Variants in POT1 observed in about 807,000 individuals in gnomAD.
POT1 encodes the protein protection of telomeres 1.
Under a neutral mutation model 78.5 loss-of-function variants are expected in POT1, and 47 were observed. That is an observed-to-expected ratio of 0.60 (90% CI 0.47 to 0.76). The LOEUF is 0.76. Ranked by LOEUF, POT1 falls within the 30% of genes least tolerant of loss-of-function variation. The probability of loss-of-function intolerance (pLI) is 0.00; values close to 1 mark genes in which losing one functional copy is unlikely to be tolerated. For synonymous variants in POT1, 259 were observed against 260.7 expected (o/e 0.99, Z 0.06); for missense variants, 646 against 749.9 (o/e 0.86, Z 1.62).
At chr7:124,867,868 G>A (rs1795769874) in intron 7 of POT1, among the ~76,000 whole-genome samples, 1 of 151,940 alleles carries the variant, frequency 6.6e-6, no homozygotes, top group South Asian at 2.1e-4. Flanking sequence ...GGCTGGTCTT[G>A]AACTCCTGAC....
rs1477300313 is a variant in POT1, at chr7:124,841,020, T to G, written c.1322A>C (p.Asn441Thr). Residue 441 changes from asparagine to threonine, a missense_variant, in exon 14 of 19, where the codon AAT becomes ACT. By Grantham distance (65) the Asn-to-Thr change is moderately conservative. Transcript: ENST00000357628. ...GRKVAVHFVK[N>T]NGILPLSNEC... ...ATTTGAAAGCGGGAGAATACCATTA[T>G]TTTTCACAAAATGAACTGCTACTTT... 4 of 1,612,030 alleles carry G rather than the reference T, an allele frequency of 2.5e-6. No individual in the cohort carries two copies. Among genetic ancestry groups the G allele is most frequent in the Non-Finnish European group, 3.4e-6 (4 of 1,178,518 alleles).
intron 6 of POT1, among the ~76,000 whole-genome samples, chr7:124,885,408 G>C (rs900932399): frequency 1.1e-4 from 16 of 151,986 alleles, no homozygotes; most frequent in African/African-American, 3.6e-4. Context: ...AGCAGTCGAG[G>C]CTGAGGTGAG....
intron 16 of POT1, among the ~76,000 whole-genome samples, chr7:124,828,173 C>T (rs367755499): frequency 6.6e-6 from 1 of 152,014 alleles, no homozygotes; most frequent in African/African-American, 2.4e-5. Context: ...TAAAAAATAG[C>T]ATGCAGTTAA....
intron 3 of POT1, among the ~76,000 whole-genome samples, chr7:124,905,481 A>C (rs955069352): frequency 1.7e-4 from 26 of 152,062 alleles, no homozygotes; most frequent in Non-Finnish European, 2.6e-4. Context: ...AAAATTAATT[A>C]AAGATGGATT....
intron 9 of POT1, among the ~76,000 whole-genome samples, chr7:124,855,241 A>AAAAAAAG (rs1795418288): frequency 6.7e-6 from 1 of 149,890 alleles, no homozygotes; most frequent in Admixed American, 6.6e-5. Context: ...AAAAAAAAAA[A>AAAAAAAG]AACCAGAGCA....
chr7:124,847,102 T>C (rs777495739), intron 11 of POT1, 104 bp from the exon 12 acceptor site: 2 of 700,534 alleles, frequency 2.9e-6, no homozygotes, highest in Non-Finnish European at 5.0e-6. Flanking sequence ...TATAAATAAA[T>C]GGTGAGATAT....
At chr7:124,862,204 A>G (rs1273282698) in intron 8 of POT1, among the ~76,000 whole-genome samples, 1 of 152,206 alleles carries the variant, frequency 6.6e-6, no homozygotes, top group African/African-American at 2.4e-5. Flanking sequence ...GTGTTTCTGC[A>G]GAGAGAAAAT....
chr7:124,915,535 G>A (rs1190008860), intron 3 of POT1, 39 bp downstream of exon 3: 1 of 151,978 alleles, frequency 6.6e-6, no homozygotes, highest in African/African-American at 2.4e-5. Flanking sequence ...ATATTACAGG[G>A]AAAAAGATAA....
At position 124,893,656 on chromosome 7, in the gene POT1, C is replaced by T. The variant is rs146177933; in HGVS notation, c.10-1276G>A. ...GATATCACAGTATGAATTTCCATCA[C>T]ATTCATCATACTAACTCCACCTGAA... On this transcript the variant is annotated intron_variant, in intron 5 of 18. Coordinates refer to ENST00000357628, the MANE Select transcript of POT1 (RefSeq NM_015450.3). Among the ~76,000 whole-genome samples, 790 of 151,642 alleles carry T rather than the reference C, an allele frequency of 5.2e-3. 3 individuals are homozygous for T. The highest frequency in any genetic ancestry group is 7.7e-3 in the Non-Finnish European group (520 of 67,578).
intron 7 of POT1, among the ~76,000 whole-genome samples, chr7:124,867,609 GC>G (rs2116556266): frequency 6.6e-6 from 1 of 151,800 alleles, no homozygotes; most frequent in South Asian, 2.1e-4. Context: ...CATTAGAAAG[GC>G]CTTTCCTGAT....
At chr7:124,867,176 T>C (rs1795748489) in intron 7 of POT1, among the ~76,000 whole-genome samples, 1 of 152,168 alleles carries the variant, frequency 6.6e-6, no homozygotes, top group Non-Finnish European at 1.5e-5. Context: ...ATTAGTCTAC[T>C]TCTATTTCCA....
At chr7:124,864,655 C>T (rs1029503868) in intron 7 of POT1, among the ~76,000 whole-genome samples, 1 of 152,144 alleles carries the variant, frequency 6.6e-6, no homozygotes, top group Non-Finnish European at 1.5e-5. Context: ...GTACTTTCTA[C>T]TTTCCATTTC....
chr7:124,824,136 T>C, intron 18 of POT1, 62 bp from the exon 19 acceptor site: 1 of 1,023,334 alleles, frequency 9.8e-7, no homozygotes, highest in South Asian at 1.5e-5. Context: ...AACTCTGAAA[T>C]AGGTACCTAA....
intron 3 of POT1, chr7:124,900,742 T>TC: frequency 3.9e-6 from 1 of 256,198 alleles, no homozygotes; most frequent in Non-Finnish European, 8.6e-6. Context: ...GAATTCCCTT[T>TC]CCTAGCCAAG....
At chr7:124,895,260 A>G (rs1376398230) in intron 5 of POT1, among the ~76,000 whole-genome samples, 1 of 151,618 alleles carries the variant, frequency 6.6e-6, no homozygotes, top group African/African-American at 2.4e-5. Context: ...TGAGAAAACC[A>G]TCGGCTCATG....
intron 6 of POT1, among the ~76,000 whole-genome samples, chr7:124,876,089 A>G (rs978501169): frequency 3.9e-5 from 6 of 152,174 alleles, no homozygotes; most frequent in Admixed American, 2.0e-4. Context: ...TGCTCTCTCC[A>G]AAAAAATTTT....
At chr7:124,855,423 A>G (rs1795424399) in intron 9 of POT1, among the ~76,000 whole-genome samples, 2 of 151,912 alleles carry the variant, frequency 1.3e-5, no homozygotes, top group Non-Finnish European at 2.9e-5. Context: ...AGGCCAAGAT[A>G]TAAGTTATTC....
chr7:124,878,705 T>C (rs1796048120), intron 6 of POT1, among the ~76,000 whole-genome samples: 2 of 152,088 alleles, frequency 1.3e-5, no homozygotes, highest in African/African-American at 4.8e-5. Context: ...AGTTTTATTA[T>C]TAATAATGAT....
chr7:124,833,080 TTTAA>T (rs554207836), intron 15 of POT1, among the ~76,000 whole-genome samples: 23 of 152,140 alleles, frequency 1.5e-4, no homozygotes, highest in Non-Finnish European at 2.4e-4. Flanking sequence ...GTTTTAATTT[TTTAA>T]TTAATTGGCT....
Sources: gnomAD v4.1 joint callset for allele counts (sites outside exome capture counted in the v4.1 genomes callset) on GRCh38, gnomAD v4.1.1 for gene constraint, MANE v1.5 for transcripts, NCBI Gene and HGNC (gene_info 2026-07-23, HGNC 2026-07-21) for gene names.